Variants in FBXL17 observed in about 807,000 individuals in gnomAD.
FBXL17 encodes F-box and leucine rich repeat protein 17.
Under a neutral mutation model 66.2 loss-of-function variants are expected in FBXL17, and 22 were observed. The observed-to-expected ratio is 0.33, with a 90% CI of 0.24 to 0.47. FBXL17 has a LOEUF of 0.47. Among genes scored for constraint, FBXL17 ranks in the 20% least tolerant of loss-of-function variants. The pLI, the probability that FBXL17 is intolerant of heterozygous loss-of-function variation, is 1.00. For synonymous variants in FBXL17, 474 were observed against 400.5 expected (o/e 1.18, Z -2.19); for missense variants, 878 against 948.2 (o/e 0.93, Z 0.97).
intron 6 of FBXL17, among the ~76,000 whole-genome samples, chr5:108,161,161 G>GATACATACATACATAC (rs36073647): frequency 0.021 from 3,061 of 149,290 alleles, 60 homozygotes; most frequent in South Asian, 0.099. Flanking sequence ...TCAACAAATA[G>GATACATACATACATAC]ATACATACAT....
rs543495451 is a variant in FBXL17 at position 108,309,667 on chromosome 5, AC to A, written c.1506+38731del. On this transcript the variant is annotated intron_variant, in intron 4 of 8. Transcript: ENST00000542267. ...TAAGTGAAGCCACATATAAAGAATA[AC>A]TTTTTTTAATAAAATACAACTTACA... Among the ~76,000 whole-genome samples the A allele has an allele frequency of 2.2e-4, 33 of 152,206 alleles. No individual in the cohort carries two copies. In the South Asian group the frequency reaches 6.6e-3, roughly 31 times the overall value.
intron 6 of FBXL17, among the ~76,000 whole-genome samples, chr5:108,075,074 C>A (rs1748490115): frequency 6.6e-6 from 1 of 152,118 alleles, no homozygotes; most frequent in Non-Finnish European, 1.5e-5. Context: ...TTTTAAAGAT[C>A]TAGACGGTCT....
At chr5:107,961,933 T>C (rs952963292) in intron 7 of FBXL17, among the ~76,000 whole-genome samples, 1 of 152,186 alleles carries the variant, frequency 6.6e-6, no homozygotes, top group African/African-American at 2.4e-5. Flanking sequence ...AAAATGATAC[T>C]TTTATTTACA....
intron 7 of FBXL17, among the ~76,000 whole-genome samples, chr5:107,977,363 T>C (rs1334014786): frequency 6.6e-6 from 1 of 152,234 alleles, no homozygotes; most frequent in African/African-American, 2.4e-5. Context: ...CCTACTATAA[T>C]GCTAGGAACT....
rs552690895 is a variant in FBXL17, at chr5:108,234,658, G to A, written c.1507-10430C>T. Among the ~76,000 whole-genome samples the A allele has an allele frequency of 2.7e-3, 413 of 152,274 alleles. 4 individuals are homozygous for A. Among genetic ancestry groups the A allele is most frequent in the African/African-American group, 9.6e-3 (400 of 41,558 alleles). On this transcript the variant is annotated intron_variant, in intron 4 of 8. Transcript: ENST00000542267. Reference sequence around the variant, plus strand: ...AGAGAAGTGTTACCACTTGATTACTGTTTTCATCTCCTGCAGATAGAATCG... The same window carrying A: ...AGAGAAGTGTTACCACTTGATTACTATTTTCATCTCCTGCAGATAGAATCG...
chr5:107,873,268 GTA>G (rs1180129641), intron 8 of FBXL17, among the ~76,000 whole-genome samples: 3 of 152,198 alleles, frequency 2.0e-5, no homozygotes, highest in African/African-American at 7.2e-5. Flanking sequence ...TTACAGTACT[GTA>G]GCTGCCCATT....
chr5:108,072,474 C>A (rs1057040303), intron 6 of FBXL17, among the ~76,000 whole-genome samples: 2 of 152,116 alleles, frequency 1.3e-5, no homozygotes, highest in Admixed American at 6.5e-5. Context: ...GAGGCTGAGG[C>A]GGGTGGATCA....
intron 4 of FBXL17, among the ~76,000 whole-genome samples, chr5:108,232,782 CAT>C (rs34650348): frequency 0.084 from 6,555 of 78,100 alleles, 1,256 homozygotes; most frequent in East Asian, 0.51. Context: ...TAAGCTCTCA[CAT>C]ATATATATAT....
At position 108,262,203 on chromosome 5, in the gene FBXL17, A is replaced by G. The variant is rs955819699; in HGVS notation, c.1507-37975T>C. 2.6e-5 allele frequency among the ~76,000 whole-genome samples: 4 copies of G among 151,774 alleles called. 1 individual carries two copies. The highest frequency in any genetic ancestry group is 5.9e-5 in the Non-Finnish European group (4 of 67,942). ...GCCATTCTCCTGCCTCGGCCTCCCAAATAGCTAGGACTACAGGTGCCCACC... is the reference window on the plus strand; with the variant it reads ...GCCATTCTCCTGCCTCGGCCTCCCAGATAGCTAGGACTACAGGTGCCCACC... On this transcript the variant is annotated intron_variant, in intron 4 of 8. Coordinates refer to ENST00000542267, the MANE Select transcript of FBXL17 (RefSeq NM_001163315.3).
chr5:108,317,095 C>A (rs1029434670), intron 4 of FBXL17, among the ~76,000 whole-genome samples: 9 of 151,108 alleles, frequency 6.0e-5, no homozygotes, highest in African/African-American at 2.2e-4. Flanking sequence ...CCAACAGGTA[C>A]TAATTAAGGA....
chr5:108,130,010 T>C (rs149159058), intron 6 of FBXL17, among the ~76,000 whole-genome samples: 3 of 152,006 alleles, frequency 2.0e-5, no homozygotes, highest in Non-Finnish European at 2.9e-5. Flanking sequence ...ATGACTTTTA[T>C]TAAAAGAGCA....
intron 4 of FBXL17, among the ~76,000 whole-genome samples, chr5:108,249,283 T>C (rs1306181717): frequency 6.6e-6 from 1 of 152,086 alleles, no homozygotes; most frequent in Non-Finnish European, 1.5e-5. Flanking sequence ...AAGGGAGATT[T>C]CAGTCTTTGC....
chr5:108,148,475 G>C (rs1751645704), intron 6 of FBXL17, among the ~76,000 whole-genome samples: 1 of 152,198 alleles, frequency 6.6e-6, no homozygotes, highest in Admixed American at 6.5e-5. Flanking sequence ...GTCTGGAGCT[G>C]CCTGGTTCAT....
At chr5:108,242,252 G>A (rs945294194) in intron 4 of FBXL17, among the ~76,000 whole-genome samples, 1 of 152,114 alleles carries the variant, frequency 6.6e-6, no homozygotes, top group African/African-American at 2.4e-5. Context: ...GAGAGAAATA[G>A]CTCATTGTAA....
At chr5:108,040,315 TG>T (rs2112801680) in intron 6 of FBXL17, among the ~76,000 whole-genome samples, 1 of 152,300 alleles carries the variant, frequency 6.6e-6, no homozygotes, top group East Asian at 1.9e-4. Flanking sequence ...ACGTACATGG[TG>T]GCAGCATAAA....
intron 5 of FBXL17, among the ~76,000 whole-genome samples, chr5:108,209,853 T>C (rs1754289925): frequency 6.6e-6 from 1 of 152,208 alleles, no homozygotes; most frequent in Non-Finnish European, 1.5e-5. Context: ...TTCCCTCTTT[T>C]TCTATTGTTT....
At chr5:108,179,465 G>A (rs765763085) in intron 6 of FBXL17, among the ~76,000 whole-genome samples, 35 of 152,260 alleles carry the variant, frequency 2.3e-4, no homozygotes, top group Middle Eastern at 3.4e-3. Context: ...AAGAGACAGA[G>A]AGAATAGTAT....
At chr5:108,366,963 G>C (rs1464078776) in intron 2 of FBXL17, among the ~76,000 whole-genome samples, 1 of 151,982 alleles carries the variant, frequency 6.6e-6, no homozygotes, top group Non-Finnish European at 1.5e-5. Flanking sequence ...TTTCAAATCT[G>C]CATTCAATGG....
Position 108,355,260 on chromosome 5 carries a change from CTTTATTTATTTATTTATTTATTTA to C in FBXL17, c.1375-6754_1375-6731del, listed in dbSNP as rs144119979. Among the ~76,000 whole-genome samples, 5 of 141,488 alleles carry C rather than the reference CTTTATTTATTTATTTATTTATTTA, an allele frequency of 3.5e-5. No individual in the cohort carries two copies. In the East Asian group the frequency reaches 1.0e-3, roughly 29 times the overall value. The allele number at this position is 141,488 out of a possible 152,430, so 92.8% of individuals were successfully genotyped here. A position where few individuals can be genotyped will look rare whatever the true frequency, so the allele number is the denominator to read the frequency against. On this transcript the variant is annotated intron_variant, in intron 3 of 8. Transcript: ENST00000542267. ...TATCAATAATATAAGGGATGAAAAA[CTTTATTTATTTATTTATTTATTTA>C]TTTATTTATTTATTTATTTATTTTT...
Sources: allele counts gnomAD v4.1 joint callset (sites outside exome capture counted in the v4.1 genomes callset), GRCh38; gene constraint gnomAD v4.1.1; transcripts MANE v1.5; gene names NCBI Gene and HGNC (gene_info 2026-07-23, HGNC 2026-07-21).